The following TXK variants were observed in gnomAD, a reference collection of about 807,000 sequenced individuals.
TXK encodes tyrosine-protein kinase TXK.
Under a neutral mutation model 81.0 loss-of-function variants are expected in TXK, and 60 were observed. The ratio of observed to expected loss-of-function variants is 0.74; its 90% confidence interval spans 0.60 to 0.92. TXK has a LOEUF of 0.92. Among genes scored for constraint, TXK ranks in the 40% least tolerant of loss-of-function variants. The pLI is 0.00. For synonymous variants in TXK, 203 were observed against 210.7 expected (o/e 0.96, Z 0.32); for missense variants, 581 against 638.3 (o/e 0.91, Z 0.97).
chr4:48,132,718 G>C (rs934504803), intron 1 of TXK, among the ~76,000 whole-genome samples: 4 of 152,120 alleles, frequency 2.6e-5, no homozygotes, highest in Middle Eastern at 3.2e-3. Context: ...GGGAGGCTGA[G>C]GCAAATCACT....
chr4:48,110,442 C>T, intron 5 of TXK, 96 bp downstream of exon 5: 1 of 813,208 alleles, frequency 1.2e-6, no homozygotes, highest in Non-Finnish European at 2.0e-6. Flanking sequence ...AAATGTGTTA[C>T]TTTTTTTTCC....
chr4:48,125,397 G>A (rs1055602602), intron 1 of TXK, among the ~76,000 whole-genome samples: 3 of 152,200 alleles, frequency 2.0e-5, no homozygotes, highest in East Asian at 1.9e-4. Flanking sequence ...ATAGGAGCAG[G>A]TGTGGTTTTC....
chr4:48,089,672 G>T, intron 9 of TXK, 78 bp downstream of exon 9: 1 of 1,227,220 alleles, frequency 8.1e-7, no homozygotes, highest in Non-Finnish European at 1.2e-6. Flanking sequence ...GATTACAGCT[G>T]TGAGCCACCG....
At chr4:48,094,903 C>A (rs1432666386) in intron 7 of TXK, among the ~76,000 whole-genome samples, 1 of 152,162 alleles carries the variant, frequency 6.6e-6, no homozygotes, top group African/African-American at 2.4e-5. Context: ...CGCCCAACAG[C>A]GTCTACTACA....
At chr4:48,078,104 A>G (rs911617294) in intron 11 of TXK, among the ~76,000 whole-genome samples, 1 of 152,226 alleles carries the variant, frequency 6.6e-6, no homozygotes, top group Non-Finnish European at 1.5e-5. Flanking sequence ...TGTAATGCGC[A>G]CCAAAGTCTG....
At chr4:48,082,708 C>T (rs962864149) in intron 10 of TXK, among the ~76,000 whole-genome samples, 1 of 152,158 alleles carries the variant, frequency 6.6e-6, no homozygotes, top group East Asian at 1.9e-4. Flanking sequence ...TGGCCCACCA[C>T]GCCCCCTATC....
chr4:48,078,380 G>T (rs1717152162), intron 11 of TXK, among the ~76,000 whole-genome samples: 1 of 152,178 alleles, frequency 6.6e-6, no homozygotes, highest in Admixed American at 6.6e-5. Flanking sequence ...ACTGCAGCCT[G>T]AACAGTGAGT....
At chr4:48,124,044 C>A (rs1284613437) in intron 1 of TXK, among the ~76,000 whole-genome samples, 1 of 152,186 alleles carries the variant, frequency 6.6e-6, no homozygotes, top group Admixed American at 6.5e-5. Flanking sequence ...AATGTCCTGT[C>A]CCAAAGCACA....
At chr4:48,100,337 T>C (rs1351666414) in intron 6 of TXK, among the ~76,000 whole-genome samples, 1 of 152,118 alleles carries the variant, frequency 6.6e-6, no homozygotes, top group East Asian at 1.9e-4. Flanking sequence ...TATAGCTTCA[T>C]AGGTCCTACA....
At chr4:48,120,157 A>ATATGTGTG (rs145227560) in intron 1 of TXK, among the ~76,000 whole-genome samples, 1 of 118,816 alleles carries the variant, frequency 8.4e-6, no homozygotes, top group African/African-American at 2.6e-5. Context: ...GTATATATGC[A>ATATGTGTG]TATATATGTA....
intron 8 of TXK, among the ~76,000 whole-genome samples, chr4:48,091,472 T>C (rs1033212368): frequency 6.6e-6 from 1 of 151,912 alleles, no homozygotes; most frequent in African/African-American, 2.4e-5. Context: ...AAGTCCCAAG[T>C]AGGAGGGCAC....
intron 1 of TXK, among the ~76,000 whole-genome samples, chr4:48,131,159 G>T (rs750241708): frequency 6.6e-6 from 1 of 152,046 alleles, no homozygotes; most frequent in Non-Finnish European, 1.5e-5. Context: ...CTGGAGCAGT[G>T]CCCTGAGACC....
chr4:48,094,096 A>T lies in TXK; in HGVS notation c.690T>A (p.Tyr230Ter). ...TCTTACCGGCTGCATTGTGCTGGTGATACCAGATTAACTCAGGGATTGATT... is the reference window on the plus strand; with the variant it reads ...TCTTACCGGCTGCATTGTGCTGGTGTTACCAGATTAACTCAGGGATTGATT... ...AFQSIPELIWYHQHNAAGLMT... is the reference protein window; with the variant it reads ...AFQSIPELIW Residue 230 changes from tyrosine (Y) to a stop codon, truncating the protein, a stop_gained, in exon 8 of 15, where the codon TAT becomes TAA. Coordinates refer to ENST00000264316, the MANE Select transcript of TXK (RefSeq NM_003328.3). LOFTEE classifies it high-confidence loss of function. The T allele has an allele frequency of 6.2e-7, 1 of 1,613,624 alleles. No individual in the cohort carries two copies. The highest frequency in any genetic ancestry group is 8.5e-7 in the Non-Finnish European group (1 of 1,180,040).
intron 1 of TXK, among the ~76,000 whole-genome samples, chr4:48,116,495 A>G (rs1484309908): frequency 6.6e-6 from 1 of 152,220 alleles, no homozygotes; most frequent in Admixed American, 6.5e-5. Flanking sequence ...GGCAGAGTGT[A>G]GTAAAACTAC....
intron 10 of TXK, among the ~76,000 whole-genome samples, chr4:48,081,003 C>T (rs904622585): frequency 2.6e-5 from 4 of 151,804 alleles, no homozygotes; most frequent in South Asian, 2.1e-4. Flanking sequence ...TGTATATGAA[C>T]GATTTTTGAC....
chr4:48,114,589 G>A (rs1718742931), intron 1 of TXK, 187 bp from the exon 2 acceptor site: 9 of 608,164 alleles, frequency 1.5e-5, no homozygotes, highest in Non-Finnish European at 2.6e-5. Context: ...CTTGGCCAGT[G>A]TGGTTTCCCT....
chr4:48,110,449 T>C, intron 5 of TXK, 89 bp downstream of exon 5: 2 of 860,618 alleles, frequency 2.3e-6, no homozygotes, highest in Non-Finnish European at 3.8e-6. Context: ...TTACTTTTTT[T>C]TCCTTCTACA....
chr4:48,114,606 G>C (rs1718743339), intron 1 of TXK: 4 of 579,276 alleles, frequency 6.9e-6, no homozygotes, highest in Non-Finnish European at 1.2e-5. Flanking sequence ...CCCTTCTCAG[G>C]CTCTTCTCCT....
Position 48,113,288 on chromosome 4 carries a change from G to C in TXK, c.93C>G (p.Ser31Arg), listed in dbSNP as rs749111580. 34 of 1,610,380 alleles carry C rather than the reference G, an allele frequency of 2.1e-5. No homozygotes were observed. The highest frequency in any genetic ancestry group is 2.8e-5 in the Non-Finnish European group (33 of 1,177,486). ...VQKRQMRTQI[S>R]LSTDEELPEK... ...CTGGAAGCTCTTCATCTGTGCTCAG[G>C]CTTATCTGTGTTCTCATTTGTCTGA... Residue 31 changes from serine to arginine, a missense_variant, in exon 3 of 15, where the codon AGC becomes AGG. Transcript: ENST00000264316.
Sources: allele counts gnomAD v4.1 joint callset (sites outside exome capture counted in the v4.1 genomes callset), GRCh38; gene constraint gnomAD v4.1.1; transcripts MANE v1.5; gene names NCBI Gene and HGNC (gene_info 2026-07-23, HGNC 2026-07-21).